Variants in RPS4Y1 observed in about 807,000 individuals in gnomAD.
RPS4Y1 encodes small ribosomal subunit protein eS4, Y isoform 1.
For missense variants in RPS4Y1, 30 were observed against 60.9 expected (o/e 0.49, Z 1.69); for synonymous variants, 23 against 20.8 (o/e 1.10, Z -0.28).
At chrY:2,854,522 A>T in intron 4 of RPS4Y1, 78 bp from the exon 5 acceptor site, 1 of 257,431 alleles carries the variant, frequency 3.9e-6, no homozygotes, top group Non-Finnish European at 6.4e-6. Flanking sequence ...AATCGATGGG[A>T]TAAGTAATGT....
At chrY:2,843,072 T>C (rs2051150266) in intron 2 of RPS4Y1, among the ~76,000 whole-genome samples, 1 of 33,491 alleles carries the variant, frequency 3.0e-5, no homozygotes. Flanking sequence ...TAGAAACTTG[T>C]CTTCCTTGTT....
chrY:2,857,678 A>G (rs912906889), intron 5 of RPS4Y1, among the ~76,000 whole-genome samples: 2 of 34,229 alleles, frequency 5.8e-5, no homozygotes, highest in Non-Finnish European at 1.5e-4. Flanking sequence ...TGGCCTCCCA[A>G]AGTGCTGGGA....
At chrY:2,848,220 T>C (rs2051153968) in intron 4 of RPS4Y1, among the ~76,000 whole-genome samples, 3 of 33,005 alleles carry the variant, frequency 9.1e-5, no homozygotes, top group Admixed American at 8.3e-4. Flanking sequence ...TCTTTTGAGA[T>C]AGTGGGTGAT....
chrY:2,849,955 G>A, intron 4 of RPS4Y1, among the ~76,000 whole-genome samples: 1 of 34,356 alleles, frequency 2.9e-5, no homozygotes, highest in South Asian at 6.4e-4. Context: ...TGGTCTTGAA[G>A]CACTGGAGAC....
intron 4 of RPS4Y1, chrY:2,854,230 C>G: frequency 3.4e-5 from 2 of 58,189 alleles, no homozygotes; most frequent in South Asian, 3.0e-4. Context: ...TGAGGACTAT[C>G]AATTGGAAAT....
intron 4 of RPS4Y1, among the ~76,000 whole-genome samples, chrY:2,853,258 G>T (rs2051157374): frequency 3.0e-5 from 1 of 33,412 alleles, no homozygotes; most frequent in Non-Finnish European, 7.4e-5. Flanking sequence ...TTCATTTATT[G>T]TACAGTTTCT....
Position 2,845,762 on chromosome Y carries a change from G to A in RPS4Y1, c.360+19G>A, listed in dbSNP as rs2124489481. On this transcript the variant is annotated intron_variant, in intron 4 of 6. Transcript: ENST00000250784. The stretch of plus-strand genomic sequence containing the variant: ...GGCAAAGGTATGTTGCACAAGTCAA[G>A]TGAGCTTTGTAATTTCCAGACAGAT... 2 of 347,177 alleles carry A rather than the reference G, an allele frequency of 5.8e-6. No homozygotes were observed. The highest frequency in any genetic ancestry group is 8.4e-6 in the Non-Finnish European group (2 of 238,033). 86.6% of individuals were successfully genotyped at this position (347,177 alleles called of 400,897 possible).
intron 5 of RPS4Y1, among the ~76,000 whole-genome samples, chrY:2,857,678 A>T: frequency 2.9e-5 from 1 of 34,166 alleles, no homozygotes; most frequent in Non-Finnish European, 7.3e-5. Context: ...TGGCCTCCCA[A>T]AGTGCTGGGA....
rs754245838 is a variant in RPS4Y1, at chrY:2,854,776, GT to G, written c.532+15del. 5 of 345,337 alleles carry G rather than the reference GT, an allele frequency of 1.4e-5. No homozygotes were observed. The highest frequency in any genetic ancestry group is 1.6e-5 in the Non-Finnish European group (4 of 246,081). 86.1% of individuals were successfully genotyped at this position (345,337 alleles called of 400,897 possible). On this transcript the variant is annotated splice_donor_region_variant and intron_variant, in intron 5 of 6. Transcript: ENST00000250784. ...ACTTTATCAAATTTGATACAGGTAA[GT>G]TTTTTTTTTCCCTTGTGTTGTCTGC...
intron 5 of RPS4Y1, among the ~76,000 whole-genome samples, chrY:2,859,260 G>A (rs2051161930): frequency 1.2e-4 from 4 of 33,640 alleles, no homozygotes; most frequent in Admixed American, 1.1e-3. Flanking sequence ...GGGGTGAGGA[G>A]TTAATCTGTT....
chrY:2,863,346 C>G, intron 5 of RPS4Y1, among the ~76,000 whole-genome samples: 1 of 33,409 alleles, frequency 3.0e-5, no homozygotes, highest in Admixed American at 2.7e-4. Context: ...ATAATTAGCT[C>G]TGTTTTTTTC....
chrY:2,857,622 G>A (rs2051160911), intron 5 of RPS4Y1, among the ~76,000 whole-genome samples: 1 of 33,715 alleles, frequency 3.0e-5, no homozygotes, highest in Non-Finnish European at 7.4e-5. Context: ...CGCCATGTTG[G>A]CCAGGCTGGA....
intron 4 of RPS4Y1, among the ~76,000 whole-genome samples, chrY:2,847,483 T>C (rs962881368): frequency 9.0e-5 from 3 of 33,444 alleles, no homozygotes; most frequent in Admixed American, 8.1e-4. Flanking sequence ...GCCATTACAG[T>C]GGATGGGAGA....
intron 4 of RPS4Y1, among the ~76,000 whole-genome samples, chrY:2,851,938 A>G (rs2051156530): frequency 6.1e-5 from 2 of 33,048 alleles, no homozygotes; most frequent in African/African-American, 1.2e-4. Flanking sequence ...TAATGACAGC[A>G]CCCCCTACCC....
rs2124491280 is a variant in RPS4Y1, at chrY:2,865,218, G to A, written c.663G>A (p.Arg221=). 2 of 395,992 alleles carry A rather than the reference G, an allele frequency of 5.1e-6. No individual in the cohort carries two copies. The highest frequency in any genetic ancestry group is 7.1e-6 in the Non-Finnish European group (2 of 282,586). The stretch of plus-strand genomic sequence containing the variant: ...CCAATGGCAACAGCTTTGCCACGAG[G>A]CTTTCCAACATTTTTGTCATTGGCA... ...KDANGNSFAT[R]LSNIFVIGNG... is the part of the protein sequence containing the mutation. Residue 221 remains arginine (R), a synonymous_variant, in exon 6 of 7, where the codon AGG becomes AGA. Coordinates refer to ENST00000250784, the MANE Select transcript of RPS4Y1 (RefSeq NM_001008.4).
chrY:2,857,452 G>C (rs2051160716), intron 5 of RPS4Y1, among the ~76,000 whole-genome samples: 1 of 33,805 alleles, frequency 3.0e-5, no homozygotes, highest in Non-Finnish European at 7.3e-5. Context: ...TTTCACTCTT[G>C]TCGCCCAGGC....
chrY:2,859,417 A>G, intron 5 of RPS4Y1, among the ~76,000 whole-genome samples: 2 of 33,147 alleles, frequency 6.0e-5, no homozygotes, highest in Non-Finnish European at 1.5e-4. Context: ...TTTACTTTTT[A>G]TAGTGACAAA....
chrY:2,865,464 G>A (rs2051166869), intron 6 of RPS4Y1, among the ~76,000 whole-genome samples: 9 of 33,220 alleles, frequency 2.7e-4, no homozygotes, highest in Admixed American at 2.5e-3. Flanking sequence ...TGCCAGCAGT[G>A]TCATTCAGTA....
At chrY:2,866,282 G>A (rs866012991) in intron 6 of RPS4Y1, among the ~76,000 whole-genome samples, 1 of 34,606 alleles carries the variant, frequency 2.9e-5, no homozygotes, top group Non-Finnish European at 7.2e-5. Flanking sequence ...GTACAGAGGC[G>A]AAGCCTGCTG....
Sources: allele counts gnomAD v4.1 joint callset (sites outside exome capture counted in the v4.1 genomes callset), GRCh38; gene constraint gnomAD v4.1.1; transcripts MANE v1.5; gene names NCBI Gene and HGNC (gene_info 2026-07-23, HGNC 2026-07-21).